SHISA9: variants seen among roughly 807,000 people sequenced by gnomAD.
The protein encoded by SHISA9 is protein shisa-9.
A neutral mutation model predicts 38.0 loss-of-function variants in SHISA9; 13 were observed. The ratio of observed to expected loss-of-function variants is 0.34; its 90% CI spans 0.22 to 0.54. The LOEUF (loss-of-function observed/expected upper bound fraction) is 0.54. Ranked by LOEUF, SHISA9 falls within the 20% of genes least tolerant of loss-of-function variation. SHISA9 has a pLI of 0.91. For synonymous variants in SHISA9, 275 were observed against 242.0 expected, an observed-to-expected ratio of 1.14 and a Z score of -1.27; for missense variants, 538 against 575.8, an observed-to-expected ratio of 0.93 and a Z score of 0.67.
intron 2 of SHISA9, among the ~76,000 whole-genome samples, chr16:13,192,286 T>C (rs1243783929): frequency 6.6e-6 from 1 of 152,166 alleles, no homozygotes; most frequent in Non-Finnish European, 1.5e-5. Flanking sequence ...TGTTCACTAT[T>C]TGGGTGATGG....
At chr16:13,555,780 G>C in the SHISA9 span, among the ~76,000 whole-genome samples, 30 of 152,074 alleles carry the variant, frequency 2.0e-4, 1 homozygote, top group Non-Finnish European at 4.1e-4. Context: ...ACGTTACTTA[G>C]ATGGAGGGAA....
chr16:12,925,834 A>G (rs950382827), intron 2 of SHISA9, among the ~76,000 whole-genome samples: 4 of 152,186 alleles, frequency 2.6e-5, no homozygotes, highest in African/African-American at 9.7e-5. Flanking sequence ...GGAGTAATAA[A>G]TAAAACAATT....
chr16:12,966,350 A>T (rs972002119), intron 2 of SHISA9, among the ~76,000 whole-genome samples: 7 of 61,426 alleles, frequency 1.1e-4, no homozygotes, highest in Non-Finnish European at 1.4e-4. Context: ...CTCCCTTCTC[A>T]AATCCTAAAG....
chr16:13,279,725 G>A, the SHISA9 span, among the ~76,000 whole-genome samples: 1 of 151,854 alleles, frequency 6.6e-6, no homozygotes, highest in African/African-American at 2.4e-5. Context: ...GACTATGATT[G>A]TGAAATCACT....
At chr16:13,436,803 G>A in the SHISA9 span, among the ~76,000 whole-genome samples, 17 of 152,260 alleles carry the variant, frequency 1.1e-4, no homozygotes, top group Admixed American at 3.3e-4. Context: ...GTTGAGTCAC[G>A]TATTGTTTGG....
chr16:13,035,562 GCT>G (rs2073046747), intron 2 of SHISA9, among the ~76,000 whole-genome samples: 2 of 150,884 alleles, frequency 1.3e-5, no homozygotes. Context: ...ATGGAGTCTT[GCT>G]CTGTCACCCC....
intron 4 of SHISA9, among the ~76,000 whole-genome samples, chr16:13,220,591 T>C (rs1396016458): frequency 6.6e-6 from 1 of 152,172 alleles, no homozygotes; most frequent in Non-Finnish European, 1.5e-5. Context: ...TTGCTTCATT[T>C]AGAAAACCAC....
intron 2 of SHISA9, among the ~76,000 whole-genome samples, chr16:12,992,290 C>T (rs1283827273): frequency 5.3e-5 from 8 of 150,118 alleles, no homozygotes; most frequent in South Asian, 4.2e-4. Context: ...TTTGGGAGGC[C>T]GAGGCAGGTG....
At chr16:13,425,387 T>G in the SHISA9 span, among the ~76,000 whole-genome samples, 1 of 152,246 alleles carries the variant, frequency 6.6e-6, no homozygotes, top group East Asian at 1.9e-4. Context: ...CTCAGAAGGC[T>G]GAGGCAAGAG....
chr16:13,203,017 G>A (rs1413285093), intron 2 of SHISA9, among the ~76,000 whole-genome samples: 1 of 152,114 alleles, frequency 6.6e-6, no homozygotes, highest in East Asian at 1.9e-4. Context: ...CAATCTGTTG[G>A]CAAAGGAATG....
At chr16:12,997,065 A>G (rs147581478) in intron 2 of SHISA9, among the ~76,000 whole-genome samples, 1 of 152,146 alleles carries the variant, frequency 6.6e-6, no homozygotes, top group Admixed American at 6.6e-5. Context: ...ATAGCCCTGC[A>G]ACCAACTCCT....
At chr16:13,104,734 G>A (rs747492316) in intron 2 of SHISA9, among the ~76,000 whole-genome samples, 4 of 152,108 alleles carry the variant, frequency 2.6e-5, no homozygotes, top group Admixed American at 1.3e-4. Context: ...TCATGGGGAC[G>A]TTTTGGGGGT....
intron 2 of SHISA9, among the ~76,000 whole-genome samples, chr16:13,097,327 C>T (rs557837782): frequency 6.6e-6 from 1 of 152,168 alleles, no homozygotes. Context: ...GAATAGTGCT[C>T]TCAGGTCATC....
At chr16:13,509,975 G>A in the SHISA9 span, among the ~76,000 whole-genome samples, 3 of 152,078 alleles carry the variant, frequency 2.0e-5, no homozygotes, top group African/African-American at 7.2e-5. Context: ...CACACAGTAA[G>A]TGCTGAGATT....
At chr16:13,040,858 C>T (rs2073124682) in intron 2 of SHISA9, among the ~76,000 whole-genome samples, 1 of 152,110 alleles carries the variant, frequency 6.6e-6, no homozygotes, top group Non-Finnish European at 1.5e-5. Context: ...TTTTAAGTTG[C>T]CCTGTTGAGC....
the SHISA9 span, among the ~76,000 whole-genome samples, chr16:13,268,068 G>T: frequency 6.6e-6 from 1 of 151,904 alleles, no homozygotes; most frequent in East Asian, 1.9e-4. Context: ...GCACTTCTAG[G>T]ACCTCATCCC....
At chr16:13,422,972 CA>C in the SHISA9 span, among the ~76,000 whole-genome samples, 1 of 152,208 alleles carries the variant, frequency 6.6e-6, no homozygotes, top group African/African-American at 2.4e-5. Flanking sequence ...GACCTGGACT[CA>C]AAGTTACAGA....
At chr16:13,425,644 A>C in the SHISA9 span, among the ~76,000 whole-genome samples, 1 of 152,226 alleles carries the variant, frequency 6.6e-6, no homozygotes, top group Non-Finnish European at 1.5e-5. Context: ...CGTGAAACAA[A>C]CCTGCACATG....
chr16:13,026,777 T>A (rs529723274), intron 2 of SHISA9, among the ~76,000 whole-genome samples: 1 of 152,308 alleles, frequency 6.6e-6, no homozygotes, highest in East Asian at 1.9e-4. Flanking sequence ...TTTTGAAGAC[T>A]ACCTATGTAA....
Sources: allele counts gnomAD v4.1 joint callset (sites outside exome capture counted in the v4.1 genomes callset), GRCh38; gene constraint gnomAD v4.1.1; transcripts MANE v1.5; gene names NCBI Gene and HGNC (gene_info 2026-07-23, HGNC 2026-07-21).